STAC: variants seen among roughly 807,000 people sequenced by gnomAD.
STAC encodes the protein SH3 and cysteine-rich domain-containing protein.
Under a neutral mutation model 48.8 loss-of-function variants are expected in STAC, and 43 were observed. The ratio of observed to expected loss-of-function variants is 0.88; its 90% CI spans 0.69 to 1.14. The LOEUF (loss-of-function observed/expected upper bound fraction) is 1.14, where lower values mean the gene tolerates loss of function less well. Ranked by LOEUF, STAC falls within the 50% of genes most tolerant of loss-of-function variation. The pLI is 0.00. For missense variants in STAC, 497 were observed against 504.0 expected, an observed-to-expected ratio of 0.99 and a Z score of 0.13; for synonymous variants, 193 against 179.5, an observed-to-expected ratio of 1.07 and a Z score of -0.60.
At chr3:36,493,346 C>A (rs1459477239) in intron 6 of STAC, 117 bp downstream of exon 6, 1 of 901,400 alleles carries the variant, frequency 1.1e-6, no homozygotes. Flanking sequence ...TTAATCAGGG[C>A]GAGTGTTCAA....
At chr3:36,428,960 A>G (rs556992316) in intron 1 of STAC, among the ~76,000 whole-genome samples, 1 of 152,340 alleles carries the variant, frequency 6.6e-6, no homozygotes. Flanking sequence ...TATAGTTAAT[A>G]TATTCAGTTA....
chr3:36,534,635 C>T (rs1699155101), intron 10 of STAC, among the ~76,000 whole-genome samples: 1 of 151,764 alleles, frequency 6.6e-6, no homozygotes, highest in Non-Finnish European at 1.5e-5. Context: ...TTGTTATGAA[C>T]ACAATGAGAG....
chr3:36,545,093 C>T (rs1699414818), intron 10 of STAC, among the ~76,000 whole-genome samples: 1 of 152,144 alleles, frequency 6.6e-6, no homozygotes, highest in South Asian at 2.1e-4. Flanking sequence ...CACTCATCTC[C>T]CAGTTGCTAT....
chr3:36,456,467 C>A (rs1427296585), intron 2 of STAC, among the ~76,000 whole-genome samples: 1 of 152,154 alleles, frequency 6.6e-6, no homozygotes, highest in Non-Finnish European at 1.5e-5. Flanking sequence ...CAGTCGTGCT[C>A]AGTTATTAGT....
chr3:36,472,924 T>G (rs1376065209), intron 2 of STAC, among the ~76,000 whole-genome samples: 4 of 152,204 alleles, frequency 2.6e-5, no homozygotes, highest in African/African-American at 9.6e-5. Context: ...TTCAGGTATC[T>G]TTTCAGCAAT....
At chr3:36,385,874 G>GTTTA (rs1699605617) in intron 1 of STAC, among the ~76,000 whole-genome samples, 1 of 151,998 alleles carries the variant, frequency 6.6e-6, no homozygotes, top group Non-Finnish European at 1.5e-5. Flanking sequence ...ATGGAACACA[G>GTTTA]TTTATTTACC....
rs151066549 is a variant in STAC, at chr3:36,400,856, G to C, written c.111+20102G>C. 1.8e-3 allele frequency among the ~76,000 whole-genome samples: 277 copies of C among 152,298 alleles called. 2 individuals are homozygous for C. Among genetic ancestry groups the C allele is most frequent in the African/African-American group, 6.3e-3 (260 of 41,548 alleles). On this transcript the variant is annotated intron_variant, in intron 1 of 10. Coordinates refer to ENST00000273183, the MANE Select transcript of STAC (RefSeq NM_003149.3). ...GCAAGTGTTCTCTTGACCCAGGCTTGTCTGTAGATATTCCCTTCATATGAA... is the reference window on the plus strand; with the variant it reads ...GCAAGTGTTCTCTTGACCCAGGCTTCTCTGTAGATATTCCCTTCATATGAA...
Position 36,483,008 on chromosome 3 carries a change from T to C in STAC, c.405T>C (p.His135=), listed in dbSNP as rs747071817. ...ACCTGACAGGAACAAATGCTAAGCA[T>C]GGACTGCGCTGCAAAGCCTGTAAGA... ...NHMIVGTNAK[H]GLRCKACKMS... Residue 135 remains histidine (H), a synonymous_variant, in exon 3 of 11, where the codon CAT becomes CAC. Coordinates refer to ENST00000273183, the MANE Select transcript of STAC (RefSeq NM_003149.3). The C allele has an allele frequency of 5.5e-5, 88 of 1,613,970 alleles. No individual in the cohort carries two copies. The Admixed American group carries it at 1.3e-3, about 24-fold the overall frequency.
intron 2 of STAC, among the ~76,000 whole-genome samples, chr3:36,447,289 A>AATGCCAT (rs1335030049): frequency 6.6e-6 from 1 of 152,126 alleles, no homozygotes; most frequent in Non-Finnish European, 1.5e-5. Context: ...GGCATCTGTG[A>AATGCCAT]GTCATTGGCT....
chr3:36,486,258 C>A lies in STAC; in HGVS notation c.687+9C>A. On this transcript the variant is annotated intron_variant, in intron 5 of 10. Coordinates refer to ENST00000273183, the MANE Select transcript of STAC (RefSeq NM_003149.3). ...CACCTCACAGAACCTCTGTAATTAT[C>A]CTCTTCCTTCCTCGGTTTGTCTGTG... 6.2e-7 allele frequency: 1 copy of A among 1,609,264 alleles called. No individual in the cohort carries two copies. Among genetic ancestry groups the A allele is most frequent in the Non-Finnish European group, 8.5e-7 (1 of 1,176,624 alleles).
intron 1 of STAC, among the ~76,000 whole-genome samples, chr3:36,389,185 T>G (rs1006635276): frequency 1.3e-5 from 2 of 152,212 alleles, no homozygotes; most frequent in African/African-American, 4.8e-5. Context: ...ATTTTCCAAC[T>G]GTCTTGGTCC....
In STAC at chr3:36,430,201, G is replaced by C. The variant is rs531283341; in HGVS notation, c.112-13163G>C. On this transcript the variant is annotated intron_variant, in intron 1 of 10. Transcript: ENST00000273183. ...CCTATGCCAAAGCCTGTACCTGCAT[G>C]TTGGAGATCCAAAGATGAAAAGAAT... Among the ~76,000 whole-genome samples, 5 of 152,352 alleles carry C rather than the reference G, an allele frequency of 3.3e-5. No individual in the cohort carries two copies. In the East Asian group the frequency reaches 9.6e-4, roughly 29 times the overall value.
At chr3:36,490,745 G>A (rs1697946739) in intron 5 of STAC, among the ~76,000 whole-genome samples, 1 of 152,218 alleles carries the variant, frequency 6.6e-6, no homozygotes, top group African/African-American at 2.4e-5. Context: ...ATTTGAGGCT[G>A]ATGCTAAGAA....
chr3:36,511,960 A>T (rs1370450759), intron 8 of STAC, among the ~76,000 whole-genome samples: 1 of 152,138 alleles, frequency 6.6e-6, no homozygotes, highest in Non-Finnish European at 1.5e-5. Context: ...ATCATAGCAG[A>T]TTTATTTATC....
At chr3:36,512,261 C>T (rs1053197621) in intron 8 of STAC, among the ~76,000 whole-genome samples, 1 of 152,010 alleles carries the variant, frequency 6.6e-6, no homozygotes, top group Non-Finnish European at 1.5e-5. Context: ...CAAGTAAAGC[C>T]GTGTTCTGTT....
intron 10 of STAC, among the ~76,000 whole-genome samples, chr3:36,530,880 G>A (rs1699049826): frequency 6.6e-6 from 1 of 152,078 alleles, no homozygotes; most frequent in South Asian, 2.1e-4. Context: ...TTACAGGCGT[G>A]AGCCACTGCA....
At chr3:36,400,522 T>C (rs1699979913) in intron 1 of STAC, among the ~76,000 whole-genome samples, 1 of 152,194 alleles carries the variant, frequency 6.6e-6, no homozygotes, top group Non-Finnish European at 1.5e-5. Context: ...TTTAGACCTA[T>C]ACGCTGGGTT....
chr3:36,409,040 C>T (rs73059920), intron 1 of STAC, among the ~76,000 whole-genome samples: 3,540 of 152,148 alleles, frequency 0.023, 61 homozygotes, highest in East Asian at 0.026. Context: ...AATGATAACA[C>T]CAGCAACAAA....
intron 1 of STAC, among the ~76,000 whole-genome samples, chr3:36,420,073 T>G (rs1381090139): frequency 1.3e-5 from 2 of 152,234 alleles, no homozygotes; most frequent in Non-Finnish European, 2.9e-5. Context: ...TAATGGCTAC[T>G]TTTAAAATTC....
Sources: gnomAD v4.1 joint callset for allele counts (sites outside exome capture counted in the v4.1 genomes callset) on GRCh38, gnomAD v4.1.1 for gene constraint, MANE v1.5 for transcripts, NCBI Gene and HGNC (gene_info 2026-07-23, HGNC 2026-07-21) for gene names.